CEP43: variants seen among roughly 807,000 people sequenced by gnomAD.
CEP43 encodes centrosomal protein 43, also known as FGFR1 oncogene partner.
CEP43 carries 36 observed loss-of-function variants against 52.6 expected under a neutral mutation model. That is an observed-to-expected ratio of 0.68 (90% CI 0.52 to 0.90). The LOEUF is 0.90. CEP43 is among the 40% of genes least tolerant of loss of function. CEP43 has a pLI of 0.00. For synonymous variants in CEP43, 192 were observed against 172.4 expected, an observed-to-expected ratio of 1.11 and a Z score of -0.89; for missense variants, 506 against 472.8, an observed-to-expected ratio of 1.07 and a Z score of -0.65.
intron 7 of CEP43, among the ~76,000 whole-genome samples, chr6:167,015,418 C>G (rs1780073153): frequency 6.6e-6 from 1 of 152,216 alleles, no homozygotes; most frequent in Non-Finnish European, 1.5e-5. Context: ...GAGTTCCCAA[C>G]AGCCTTAACA....
At chr6:167,011,877 A>G (rs922707434) in intron 6 of CEP43, among the ~76,000 whole-genome samples, 4 of 152,158 alleles carry the variant, frequency 2.6e-5, no homozygotes, top group Admixed American at 1.3e-4. Flanking sequence ...CACCCCGCAA[A>G]GGCTCCACCT....
intron 10 of CEP43, among the ~76,000 whole-genome samples, chr6:167,032,078 C>A (rs151605): frequency 1 from 152,352 of 152,362 alleles, 76,171 homozygotes; most frequent in Middle Eastern, 1. Context: ...GGACATGGCC[C>A]AGAAAGGGCA....
At chr6:167,023,007 G>A (rs1780272883) in intron 8 of CEP43, among the ~76,000 whole-genome samples, 1 of 152,148 alleles carries the variant, frequency 6.6e-6, no homozygotes, top group African/African-American at 2.4e-5. Flanking sequence ...AGTGATGGGA[G>A]CCCGAGTGTG....
At chr6:167,009,683 A>G (rs1269148481) in intron 5 of CEP43, among the ~76,000 whole-genome samples, 1 of 150,756 alleles carries the variant, frequency 6.6e-6, no homozygotes, top group Non-Finnish European at 1.5e-5. Context: ...AAAAAAAAAA[A>G]AAGTTAGTTG....
intron 7 of CEP43, among the ~76,000 whole-genome samples, chr6:167,013,887 C>G (rs559896628): frequency 6.6e-6 from 1 of 152,290 alleles, no homozygotes; most frequent in African/African-American, 2.4e-5. Flanking sequence ...GCAGGAGAAT[C>G]GCTTTAACCC....
chr6:167,016,556 C>T (rs991276163), intron 7 of CEP43, among the ~76,000 whole-genome samples: 5 of 152,208 alleles, frequency 3.3e-5, no homozygotes, highest in African/African-American at 9.7e-5. Flanking sequence ...GCCACCGTGC[C>T]TGGCCCAGTT....
intron 2 of CEP43, among the ~76,000 whole-genome samples, chr6:167,002,168 A>C (rs1223561106): frequency 6.6e-6 from 1 of 152,156 alleles, no homozygotes; most frequent in East Asian, 1.9e-4. Context: ...TTTGACCTTC[A>C]AAAGTTTTCC....
chr6:167,009,590 G>A (rs890973091), intron 5 of CEP43, among the ~76,000 whole-genome samples: 66 of 149,616 alleles, frequency 4.4e-4, no homozygotes, highest in African/African-American at 1.6e-3. Flanking sequence ...GCTTGAACCC[G>A]GCAGTCGGAG....
At chr6:167,031,545 A>G (rs538927417) in intron 10 of CEP43, among the ~76,000 whole-genome samples, 3 of 152,362 alleles carry the variant, frequency 2.0e-5, no homozygotes, top group African/African-American at 7.2e-5. Flanking sequence ...CTGTCTGGAC[A>G]GAGCTTGAAT....
chr6:167,018,050 G>C (rs1780141810), intron 7 of CEP43, among the ~76,000 whole-genome samples: 1 of 152,170 alleles, frequency 6.6e-6, no homozygotes, highest in Non-Finnish European at 1.5e-5. Flanking sequence ...TCCTGTTCTA[G>C]CTTCTGGTGG....
Position 167,049,831 on chromosome 6 carries a change from A to G in CEP43, c.*9853A>G, listed in dbSNP as rs999639400. ...TGCACCATTTTATATCCCTACCAGC[A>G]ATGCATGAAGCTTCCAGTTTCTCCA... On this transcript the variant is annotated 3_prime_UTR_variant, in exon 13 of 13. Coordinates refer to ENST00000366847, the MANE Select transcript of CEP43 (RefSeq NM_007045.4). 1.3e-5 allele frequency: 2 copies of G among 152,220 alleles called. No homozygotes were observed. The highest frequency in any genetic ancestry group is 4.8e-5 in the African/African-American group (2 of 41,454). The allele number at this position is 152,220 out of a possible 1,614,324, so 9.4% of individuals were successfully genotyped here. A position where few individuals can be genotyped will look rare whatever the true frequency, so the allele number is the denominator to read the frequency against.
intron 7 of CEP43, among the ~76,000 whole-genome samples, chr6:167,020,190 T>C (rs1440931485): frequency 6.6e-6 from 1 of 152,248 alleles, no homozygotes; most frequent in Non-Finnish European, 1.5e-5. Flanking sequence ...TTCCATCCCT[T>C]TGAAAATATG....
At chr6:167,031,341 G>A (rs1780466547) in intron 10 of CEP43, among the ~76,000 whole-genome samples, 2 of 152,122 alleles carry the variant, frequency 1.3e-5, no homozygotes, top group Admixed American at 6.5e-5. Context: ...CCACTCAGTT[G>A]CTACCTTGGA....
chr6:167,036,763 T>G (rs1780592781), intron 12 of CEP43: 1 of 984,882 alleles, frequency 1.0e-6, no homozygotes, highest in East Asian at 1.1e-4. Context: ...GTTCTTATTC[T>G]AAAACTAAGG....
chr6:167,030,867 CTTTGT>C (rs34017511), intron 10 of CEP43, among the ~76,000 whole-genome samples: 64,702 of 151,266 alleles, frequency 0.43, 14,090 homozygotes, highest in Non-Finnish European at 0.49. Context: ...CACCCCATCC[CTTTGT>C]ACAAAGCTTC....
At position 167,048,424 on chromosome 6, in the gene CEP43, G is replaced by A. The variant is rs1780829572; in HGVS notation, c.*8446G>A. On this transcript the variant is annotated 3_prime_UTR_variant, in exon 13 of 13. Coordinates refer to ENST00000366847, the MANE Select transcript of CEP43 (RefSeq NM_007045.4). ...ACATGCCTGTGGTCCCAGCTACTCG[G>A]GAGGCTGAGGCAGGAGGATTGCAGG... 1 of 152,234 alleles carries A rather than the reference G, an allele frequency of 6.6e-6. No homozygotes were observed. The highest frequency in any genetic ancestry group is 2.4e-5 in the African/African-American group (1 of 41,450). 9.4% of individuals were successfully genotyped at this position (152,234 alleles called of 1,614,324 possible). A position where few individuals can be genotyped will look rare whatever the true frequency, so the allele number is the denominator to read the frequency against.
chr6:167,023,184 A>G (rs1780278566), intron 8 of CEP43, among the ~76,000 whole-genome samples: 1 of 152,138 alleles, frequency 6.6e-6, no homozygotes, highest in African/African-American at 2.4e-5. Context: ...AGAGAGAGCA[A>G]GATGGGGATC....
At chr6:167,034,482 G>A (rs1018199376) in intron 12 of CEP43, among the ~76,000 whole-genome samples, 1 of 152,204 alleles carries the variant, frequency 6.6e-6, no homozygotes, top group Non-Finnish European at 1.5e-5. Flanking sequence ...TATGTGGGTG[G>A]AGAACAGAAG....
intron 7 of CEP43, among the ~76,000 whole-genome samples, chr6:167,018,149 G>T (rs1053031902): frequency 2.6e-5 from 4 of 152,096 alleles, no homozygotes; most frequent in African/African-American, 9.7e-5. Flanking sequence ...GTGTTTCTCT[G>T]TGTCTCTTCC....
Sources: allele counts gnomAD v4.1 joint callset (sites outside exome capture counted in the v4.1 genomes callset), GRCh38; gene constraint gnomAD v4.1.1; transcripts MANE v1.5; gene names NCBI Gene and HGNC (gene_info 2026-07-23, HGNC 2026-07-21).